The following CDK6 variants were observed in gnomAD, a reference collection of about 807,000 sequenced individuals.
CDK6 encodes the protein cyclin-dependent kinase 6.
In CDK6, 6 loss-of-function variants were observed where a neutral mutation model predicts 37.1. The ratio of observed to expected loss-of-function variants is 0.16; its 90% confidence interval spans 0.09 to 0.32. The LOEUF is 0.32. CDK6 is among the 10% of genes least tolerant of loss of function. CDK6 has a pLI of 1.00. For synonymous variants in CDK6, 160 were observed against 161.3 expected, an observed-to-expected ratio of 0.99 and a Z score of 0.06; for missense variants, 224 against 418.9, an observed-to-expected ratio of 0.53 and a Z score of 4.06.
At chr7:92,781,759 G>C (rs1799998013) in intron 2 of CDK6, among the ~76,000 whole-genome samples, 1 of 152,054 alleles carries the variant, frequency 6.6e-6, no homozygotes, top group African/African-American at 2.4e-5. Context: ...AGCTACCTAA[G>C]GGCCACAACA....
chr7:92,820,509 T>C (rs1427198026), intron 2 of CDK6, among the ~76,000 whole-genome samples: 1 of 152,020 alleles, frequency 6.6e-6, no homozygotes, highest in Non-Finnish European at 1.5e-5. Context: ...CTGATAGAAA[T>C]TGTGATGTTA....
At chr7:92,635,851 G>A (rs1585354896) in intron 5 of CDK6, among the ~76,000 whole-genome samples, 1 of 152,124 alleles carries the variant, frequency 6.6e-6, no homozygotes, top group Non-Finnish European at 1.5e-5. Flanking sequence ...TGACAAATAA[G>A]GGGATAAATG....
intron 5 of CDK6, among the ~76,000 whole-genome samples, chr7:92,635,961 T>C (rs1041346257): frequency 1.3e-5 from 2 of 152,214 alleles, no homozygotes; most frequent in Non-Finnish European, 2.9e-5. Flanking sequence ...GTTTTGCTAA[T>C]CATGATTTCT....
At chr7:92,761,917 T>C (rs1321427295) in intron 3 of CDK6, among the ~76,000 whole-genome samples, 1 of 152,250 alleles carries the variant, frequency 6.6e-6, no homozygotes, top group African/African-American at 2.4e-5. Context: ...AGTGTTTTTA[T>C]TAGGATTTTG....
At chr7:92,731,194 A>G (rs887243377) in intron 3 of CDK6, among the ~76,000 whole-genome samples, 24 of 152,142 alleles carry the variant, frequency 1.6e-4, no homozygotes, top group Non-Finnish European at 3.2e-4. Flanking sequence ...TCAATTTGCA[A>G]TGAGCAATGA....
intron 4 of CDK6, among the ~76,000 whole-genome samples, chr7:92,678,357 C>T (rs1797254225): frequency 6.6e-6 from 1 of 151,746 alleles, no homozygotes; most frequent in Non-Finnish European, 1.5e-5. Flanking sequence ...AAAGCAAATA[C>T]CATGTTTATT....
At chr7:92,636,393 A>T (rs950586451) in intron 5 of CDK6, among the ~76,000 whole-genome samples, 1 of 152,114 alleles carries the variant, frequency 6.6e-6, no homozygotes, top group Non-Finnish European at 1.5e-5. Context: ...TGGTTTCAGT[A>T]CAAACTATTT....
Position 92,608,005 on chromosome 7 carries a change from T to C in CDK6, c.*7135A>G, listed in dbSNP as rs188032819. The stretch of plus-strand genomic sequence containing the variant: ...TGATCACAGAAATATTGCTAGCTGA[T>C]ACATATTATTGCATTTCATAAAACT... On this transcript the variant is annotated 3_prime_UTR_variant, in exon 8 of 8. Transcript: ENST00000424848. 1 of 233,434 alleles carries C rather than the reference T, an allele frequency of 4.3e-6. No homozygotes were observed. Among genetic ancestry groups the C allele is most frequent in the African/African-American group, 2.2e-5 (1 of 45,470 alleles). 14.5% of individuals were successfully genotyped at this position (233,434 alleles called of 1,614,324 possible).
chr7:92,634,245 T>C (rs1397489574), intron 5 of CDK6, among the ~76,000 whole-genome samples: 10 of 152,104 alleles, frequency 6.6e-5, no homozygotes, highest in Non-Finnish European at 1.3e-4. Flanking sequence ...TTACCATTTT[T>C]CCCCCATGAA....
At chr7:92,734,899 C>T (rs775866593) in intron 3 of CDK6, among the ~76,000 whole-genome samples, 2 of 152,174 alleles carry the variant, frequency 1.3e-5, no homozygotes, top group African/African-American at 2.4e-5. Context: ...ATGAAGGATG[C>T]TTCCTATCTT....
At chr7:92,659,879 T>A (rs968460139) in intron 5 of CDK6, among the ~76,000 whole-genome samples, 4 of 152,132 alleles carry the variant, frequency 2.6e-5, no homozygotes, top group African/African-American at 9.7e-5. Flanking sequence ...TAGGGTCTTT[T>A]TAAATCTCAG....
At chr7:92,751,611 G>A (rs2115680800) in intron 3 of CDK6, among the ~76,000 whole-genome samples, 1 of 152,288 alleles carries the variant, frequency 6.6e-6, no homozygotes, top group South Asian at 2.1e-4. Flanking sequence ...AAATTAGGCT[G>A]TATCTTTGTA....
At position 92,833,171 on chromosome 7, in the gene CDK6, C is replaced by G. The variant is rs769296745; in HGVS notation, c.153G>C (p.Glu51Asp). Reference protein sequence around the residue: ...ALKRVRVQTGEEGMPLSTIRE... With the variant: ...ALKRVRVQTGDEGMPLSTIRE... ...GGATGGTGGAGAGCGGCATGCCCTC[C>G]TCGCCGGTCTGCACCCGCACGCGCT... Residue 51 changes from glutamate to aspartate, a missense_variant, in exon 2 of 8, where the codon GAG becomes GAC. Glu to Asp is a conservative substitution (Grantham distance 45). This residue lies in a region of CDK6 where 21 missense variants were observed against 18.4 expected (regional missense o/e 1.14). Coordinates refer to ENST00000424848, the MANE Select transcript of CDK6 (RefSeq NM_001145306.2). This position sits in a 1 kb window ranked among gnomAD's most constrained non-coding sequence, Gnocchi z 6.1. 2 of 1,609,250 alleles carry G rather than the reference C, an allele frequency of 1.2e-6. No homozygotes were observed. The highest frequency in any genetic ancestry group is 1.7e-6 in the Non-Finnish European group (2 of 1,178,514).
intron 3 of CDK6, among the ~76,000 whole-genome samples, chr7:92,726,255 G>C (rs1798510062): frequency 6.6e-6 from 1 of 151,990 alleles, no homozygotes; most frequent in South Asian, 2.1e-4. Flanking sequence ...TATATATCAA[G>C]CACTATTCTA....
chr7:92,613,373 A>G lies in CDK6; in HGVS notation c.*1767T>C, dbSNP rs989994332. ...ACCCTAAACATAATCTAACTGTTGC[A>G]TGATCTAACTGTTGCATGCACTCTG... On this transcript the variant is annotated 3_prime_UTR_variant, in exon 8 of 8. Transcript: ENST00000424848. 2.6e-5 allele frequency: 6 copies of G among 233,570 alleles called. No homozygotes were observed. The highest frequency in any genetic ancestry group is 4.2e-5 in the Non-Finnish European group (5 of 118,058). 14.5% of individuals were successfully genotyped at this position (233,570 alleles called of 1,614,324 possible). A position where few individuals can be genotyped will look rare whatever the true frequency, so the allele number is the denominator to read the frequency against.
At position 92,758,082 on chromosome 7, in the gene CDK6, C is replaced by T. The variant is rs879484096; in HGVS notation, c.369+16614G>A. 2.6e-5 allele frequency among the ~76,000 whole-genome samples: 4 copies of T among 152,282 alleles called. No homozygotes were observed. In the Middle Eastern group the frequency reaches 0.01, roughly 388 times the overall value. On this transcript the variant is annotated intron_variant, in intron 3 of 7. Transcript: ENST00000424848. ...GATGCACAGTTTGCAAATATTTTCT[C>T]CCAATCTGTAGGGTGTTGTCTGTTT...
chr7:92,718,067 C>A (rs1043710381), intron 4 of CDK6, among the ~76,000 whole-genome samples: 2 of 152,180 alleles, frequency 1.3e-5, no homozygotes, highest in African/African-American at 4.8e-5. Context: ...CTAAAGAAAA[C>A]GTGTCCTGTT....
rs1341462143 is a variant in CDK6, at chr7:92,614,695, AT to A, written c.*444del. ...TTTAAAAGATCACAGAATCTCTCACATACACACACACACACACACACACACA... is the reference window on the plus strand; with the variant it reads ...TTTAAAAGATCACAGAATCTCTCACAACACACACACACACACACACACACA... On this transcript the variant is annotated 3_prime_UTR_variant, in exon 8 of 8. Coordinates refer to ENST00000424848, the MANE Select transcript of CDK6 (RefSeq NM_001145306.2). The A allele has an allele frequency of 1.6e-5, 3 of 185,302 alleles. No individual in the cohort carries two copies. Among genetic ancestry groups the A allele is most frequent in the Admixed American group, 8.1e-5 (1 of 12,316 alleles). 11.5% of individuals were successfully genotyped at this position (185,302 alleles called of 1,614,324 possible).
intron 4 of CDK6, among the ~76,000 whole-genome samples, chr7:92,678,564 G>A (rs1309434617): frequency 1.3e-5 from 2 of 152,114 alleles, no homozygotes; most frequent in African/African-American, 4.8e-5. Context: ...GGCCAACTCT[G>A]ACTTAAAATA....
Sources: allele counts gnomAD v4.1 joint callset (sites outside exome capture counted in the v4.1 genomes callset), GRCh38; gene constraint gnomAD v4.1.1; regional missense constraint gnomAD v4.1.1; non-coding constraint Gnocchi (gnomAD v3.1); transcripts MANE v1.5; gene names NCBI Gene and HGNC (gene_info 2026-07-23, HGNC 2026-07-21).